FBRSL1: variants seen among roughly 807,000 people sequenced by gnomAD.
FBRSL1 encodes the protein fibrosin-1-like protein.
A neutral mutation model predicts 89.6 loss-of-function variants in FBRSL1; 51 were observed. The observed-to-expected ratio is 0.57, with a 90% CI of 0.45 to 0.72. The LOEUF is 0.72. Ranked by LOEUF, FBRSL1 falls within the 30% of genes least tolerant of loss-of-function variation. The pLI, the probability that FBRSL1 is intolerant of heterozygous loss-of-function variation, is 0.00. For missense variants in FBRSL1, 1,618 were observed against 1,451.8 expected, an observed-to-expected ratio of 1.11 and a Z score of -1.86; for synonymous variants, 779 against 681.1, an observed-to-expected ratio of 1.14 and a Z score of -2.24.
chr12:132,509,391 T>G, intron 2 of FBRSL1: 1 of 1,241,620 alleles, frequency 8.1e-7, no homozygotes, highest in Non-Finnish European at 1.0e-6. Context: ...GAAACAGCCC[T>G]GCCAGCCCCG....
intron 11 of FBRSL1, among the ~76,000 whole-genome samples, 184 bp downstream of exon 11, chr12:132,572,806 G>A (rs961830830): frequency 1.3e-5 from 2 of 152,234 alleles, no homozygotes; most frequent in Non-Finnish European, 2.9e-5. Context: ...GTCTGTGTGT[G>A]GCCACCGTGG....
At chr12:132,551,987 G>A in intron 5 of FBRSL1, 1 of 267,596 alleles carries the variant, frequency 3.7e-6, no homozygotes. Flanking sequence ...CACCCCCAGT[G>A]CCGGGCCTCA....
intron 15 of FBRSL1, chr12:132,580,881 C>G (rs1362200997): frequency 2.0e-6 from 2 of 984,662 alleles, no homozygotes; most frequent in East Asian, 1.1e-4. Context: ...GGGCCCGGGC[C>G]CAGGCCCCAC....
At chr12:132,569,016 CG>C (rs2039824601) in intron 6 of FBRSL1, among the ~76,000 whole-genome samples, 1 of 152,076 alleles carries the variant, frequency 6.6e-6, no homozygotes. Context: ...CAGGGTCTGC[CG>C]GGGACGTGAA....
rs866327987 is a variant in FBRSL1, at chr12:132,499,199, G to A, written c.291+8338G>A. On this transcript the variant is annotated intron_variant, in intron 1 of 18. Coordinates refer to ENST00000680143, the MANE Select transcript of FBRSL1 (RefSeq NM_001367871.1). The surrounding 1 kb of genome is among the most constrained non-coding windows in gnomAD (Gnocchi z 4.3). ...GATGCTGCACAGTGGAGCCTCCAGG[G>A]CCGGCCAGGCAGGGATGGTGCCGGG... Among the ~76,000 whole-genome samples the A allele has an allele frequency of 4.6e-5, 7 of 152,172 alleles. No homozygotes were observed. Among genetic ancestry groups the A allele is most frequent in the Non-Finnish European group, 1.0e-4 (7 of 68,018 alleles).
intron 4 of FBRSL1, 105 bp downstream of exon 4, chr12:132,528,093 C>T (rs369077293): frequency 8.8e-5 from 90 of 1,022,062 alleles, no homozygotes; most frequent in East Asian, 7.0e-4. Context: ...ACCCCAGTCC[C>T]GTGCCCGCTT....
rs755363792 is a variant in FBRSL1 at position 132,582,016 on chromosome 12, G to A, written c.1997-46G>A. 3 of 1,470,194 alleles carry A rather than the reference G, an allele frequency of 2.0e-6. No individual in the cohort carries two copies. The Admixed American group carries it at 6.1e-5, about 30-fold the overall frequency. The allele number at this position is 1,470,194 out of a possible 1,614,324, so 91.1% of individuals were successfully genotyped here. A position where few individuals can be genotyped will look rare whatever the true frequency, so the allele number is the denominator to read the frequency against. On this transcript the variant is annotated intron_variant, in intron 17 of 18. Coordinates refer to ENST00000680143, the MANE Select transcript of FBRSL1 (RefSeq NM_001367871.1). ...ACCGGGTTCTCCTGGGGAGTGGCTG[G>A]GGAGCAGACAGACCCAACCTCATGC...
intron 15 of FBRSL1, among the ~76,000 whole-genome samples, chr12:132,579,135 G>A (rs1388505075): frequency 1.3e-5 from 2 of 151,982 alleles, no homozygotes; most frequent in African/African-American, 2.4e-5. Context: ...CCTCAGTCCC[G>A]GGGCCAGTGC....
chr12:132,583,105 A>T lies in FBRSL1; in HGVS notation c.2336A>T (p.Glu779Val). ...GGGGCCCCCGCGGAGCGCGAGGCCG[A>T]ACCTCGGGTCAAGGAGAGCCGCTCC... The part of the protein sequence containing the change: ...RSGAPAEREA[E>V]PRVKESRSPA... The change falls in exon 19 of 19, where the codon GAA becomes GTA. Residue 779 changes from glutamate (E) to valine (V), a missense_variant. Coordinates refer to ENST00000680143, the MANE Select transcript of FBRSL1 (RefSeq NM_001367871.1). 1 of 1,455,532 alleles carries T rather than the reference A, an allele frequency of 6.9e-7. No individual in the cohort carries two copies. 90.2% of individuals were successfully genotyped at this position (1,455,532 alleles called of 1,614,324 possible). A position where few individuals can be genotyped will look rare whatever the true frequency, so the allele number is the denominator to read the frequency against.
chr12:132,494,686 C>T (rs1040348667), intron 1 of FBRSL1, among the ~76,000 whole-genome samples: 1 of 152,240 alleles, frequency 6.6e-6, no homozygotes, highest in East Asian at 1.9e-4. Flanking sequence ...ATCACTTTCA[C>T]CTGGTGACTT....
rs555864793 is a variant in FBRSL1, at chr12:132,570,761, G to C, written c.1213+221G>C. 7.2e-5 allele frequency among the ~76,000 whole-genome samples: 11 copies of C among 152,338 alleles called. No homozygotes were observed. In the East Asian group the frequency reaches 1.9e-3, roughly 27 times the overall value. On this transcript the variant is annotated intron_variant, in intron 8 of 18. Transcript: ENST00000680143. ...ACAGGCAGGACACGTGCCCATGCAC[G>C]TACAGACGCGTGTTCACACTGAGAC...
At chr12:132,511,027 G>A in intron 2 of FBRSL1, 1 of 986,600 alleles carries the variant, frequency 1.0e-6, no homozygotes, top group Non-Finnish European at 1.2e-6. Context: ...TGCAGTTCCT[G>A]CAGAGTGGCC....
In FBRSL1 at chr12:132,508,237, C is replaced by T. The variant is rs2033920027; in HGVS notation, c.376C>T (p.Pro126Ser). ...GAAGCCCCGGGAGTCGGAAACCTGC[C>T]CCCCTGCGGAGCCCAGTGAGAACAG... Reference protein sequence around the residue: ...IKKPRESETCPPAEPSENRRP... With the variant: ...IKKPRESETCSPAEPSENRRP... Residue 126 changes from proline (P) to serine (S), a missense_variant, in exon 2 of 19, where the codon CCC (proline) becomes TCC (serine). By Grantham distance (74) the Pro-to-Ser change is moderately conservative (BLOSUM62 -1). Coordinates refer to ENST00000680143, the MANE Select transcript of FBRSL1 (RefSeq NM_001367871.1). The T allele has an allele frequency of 3.2e-6, 5 of 1,551,098 alleles. No homozygotes were observed. The East Asian group carries it at 7.3e-5, about 23-fold the overall frequency.
chr12:132,508,220 G>T lies in FBRSL1; in HGVS notation c.359G>T (p.Arg120Leu). The change falls in exon 2 of 19, where the codon CGG becomes CTG. Residue 120 changes from arginine to leucine, a missense_variant. Arg to Leu is a moderately radical substitution (Grantham distance 102). Transcript: ENST00000680143. ...GAGCGTCGTCTCATCAAGAAGCCCC[G>T]GGAGTCGGAAACCTGCCCCCCTGCG... ...KWERRLIKKP[R>L]ESETCPPAEP... 1 of 1,551,178 alleles carries T rather than the reference G, an allele frequency of 6.4e-7. No homozygotes were observed. The highest frequency in any genetic ancestry group is 8.7e-7 in the Non-Finnish European group (1 of 1,146,930).
intron 2 of FBRSL1, among the ~76,000 whole-genome samples, chr12:132,520,740 G>A (rs2035281628): frequency 6.6e-6 from 1 of 152,230 alleles, no homozygotes; most frequent in Non-Finnish European, 1.5e-5. Flanking sequence ...CTTGCTGAAT[G>A]TGAGGGGCCC....
intron 2 of FBRSL1, among the ~76,000 whole-genome samples, chr12:132,520,025 C>T (rs936137046): frequency 5.9e-5 from 9 of 151,916 alleles, no homozygotes; most frequent in African/African-American, 2.2e-4. Flanking sequence ...GGCCCCTCTT[C>T]CAGTGCCCCC....
chr12:132,553,844 G>A (rs985605735), intron 5 of FBRSL1: 3 of 152,390 alleles, frequency 2.0e-5, no homozygotes, highest in African/African-American at 7.2e-5. Flanking sequence ...CAGCAGTGGA[G>A]CTGGAGGTCC....
At chr12:132,559,036 T>C (rs1294658340) in intron 5 of FBRSL1, among the ~76,000 whole-genome samples, 1 of 152,244 alleles carries the variant, frequency 6.6e-6, no homozygotes, top group African/African-American at 2.4e-5. Context: ...GGCGCTGGGA[T>C]GGAAGGGTCC....
intron 2 of FBRSL1, chr12:132,511,930 C>T: frequency 1.0e-6 from 1 of 984,944 alleles, no homozygotes; most frequent in South Asian, 4.7e-5. Context: ...ATAAAAAGTG[C>T]CGTGCCACTA....
Sources: gnomAD v4.1 joint callset for allele counts (sites outside exome capture counted in the v4.1 genomes callset) on GRCh38, gnomAD v4.1.1 for gene constraint, Gnocchi (gnomAD v3.1) non-coding constraint, MANE v1.5 for transcripts, NCBI Gene and HGNC (gene_info 2026-07-23, HGNC 2026-07-21) for gene names.